The following DST variants were observed in gnomAD, a reference collection of about 807,000 sequenced individuals.
DST encodes bullous pemphigoid antigen.
A neutral mutation model predicts 875.2 loss-of-function variants in DST; 253 were observed. The ratio of observed to expected loss-of-function variants is 0.29; its 90% CI spans 0.26 to 0.32. The LOEUF is 0.32. DST is among the 10% of genes least tolerant of loss of function. The pLI is 1.00. For missense variants in DST, 8,287 were observed against 9,111.6 expected, an observed-to-expected ratio of 0.91 and a Z score of 3.68; for synonymous variants, 3,124 against 3,197.1, an observed-to-expected ratio of 0.98 and a Z score of 0.77.
chr6:56,603,208 T>G lies in DST; in HGVS notation c.11154A>C (p.Glu3718Asp). Residue 3718 changes from glutamate to aspartate, a missense_variant, in exon 42 of 104, where the codon GAA becomes GAC. Coordinates refer to ENST00000680361, the MANE Select transcript of DST (RefSeq NM_001374736.1). ...TKQIMLAIDS[E>D]MSKLAVSHEE... ...AATTTTGACATTTTATGCCTACCAT[T>G]TCAGAGTCGATCGCAAGCATGATCT... 6.3e-7 allele frequency: 1 copy of G among 1,597,212 alleles called. No individual in the cohort carries two copies. The highest frequency in any genetic ancestry group is 1.1e-5 in the South Asian group (1 of 88,994).
intron 3 of DST, among the ~76,000 whole-genome samples, chr6:56,868,099 C>T (rs1562233231): frequency 6.6e-6 from 1 of 152,086 alleles, no homozygotes; most frequent in African/African-American, 2.4e-5. Context: ...CAATTTTAAA[C>T]ATGGGGGGTG....
At chr6:56,897,995 A>G (rs912711947) in intron 3 of DST, among the ~76,000 whole-genome samples, 1 of 152,108 alleles carries the variant, frequency 6.6e-6, no homozygotes, top group Admixed American at 6.5e-5. Flanking sequence ...AGTAGGCTCC[A>G]CCTATAGGCT....
chr6:56,572,245 C>T lies in DST; in HGVS notation c.13576G>A (p.Glu4526Lys), dbSNP rs762051198. The T allele has an allele frequency of 1.3e-6, 2 of 1,564,038 alleles. No homozygotes were observed. Among genetic ancestry groups the T allele is most frequent in the South Asian group, 1.2e-5 (1 of 81,514 alleles). The change falls in exon 53 of 104, where the codon GAA becomes AAA. Residue 4526 changes from glutamate to lysine, a missense_variant. By Grantham distance (56) the Glu-to-Lys change is moderately conservative. Around this residue, in one of 10 missense-constraint regions of DST, gnomAD observed 1,513 missense variants for 1,677.8 expected, o/e 0.90. Coordinates refer to ENST00000680361, the MANE Select transcript of DST (RefSeq NM_001374736.1). The stretch of plus-strand genomic sequence containing the variant: ...AAAACTTCAAGATGTTTCTTGTGTT[C>T]TAAAAATTCAGAAGTTGATTCCTAC... ...YMQESTSEFL[E>K]HKKHLEVLHS...
intron 64 of DST, 78 bp from the exon 65 acceptor site, chr6:56,530,211 C>A: frequency 8.8e-7 from 1 of 1,140,772 alleles, no homozygotes; most frequent in Non-Finnish European, 1.2e-6. Flanking sequence ...CATGCTCTTG[C>A]AATCTATTCT....
chr6:56,858,655 G>A (rs565404342), intron 3 of DST, among the ~76,000 whole-genome samples: 1 of 152,262 alleles, frequency 6.6e-6, no homozygotes, highest in African/African-American at 2.4e-5. Flanking sequence ...CTATGGGAGT[G>A]CAGATACCTC....
At chr6:56,648,366 T>C (rs1211754986) in intron 13 of DST, among the ~76,000 whole-genome samples, 1 of 152,212 alleles carries the variant, frequency 6.6e-6, no homozygotes, top group East Asian at 1.9e-4. Flanking sequence ...GCTGAGTGAC[T>C]ACAGCTAATC....
At chr6:56,616,194 T>C (rs781187773) in intron 36 of DST, 5 of 1,614,124 alleles carry the variant, frequency 3.1e-6, no homozygotes, top group South Asian at 1.1e-5. Flanking sequence ...GTAAGTGTGA[T>C]GAGGCCTTCC....
rs914935763 is a variant in DST at position 56,954,356 on chromosome 6, C to T, written c.181+51G>A. ...GCGAGCCGCGCTTCACTCTCCAAAT[C>T]GGCTTAATTGTTCCTGGTAGCCCGC... On this transcript the variant is annotated intron_variant, in intron 1 of 103. Coordinates refer to ENST00000680361, the MANE Select transcript of DST (RefSeq NM_001374736.1). 5.4e-6 allele frequency: 7 copies of T among 1,301,424 alleles called. No homozygotes were observed. In the African/African-American group the frequency reaches 9.0e-5, roughly 17 times the overall value. The allele number at this position is 1,301,424 out of a possible 1,614,324, so 80.6% of individuals were successfully genotyped here.
intron 4 of DST, among the ~76,000 whole-genome samples, chr6:56,738,709 C>T (rs1037782070): frequency 6.6e-6 from 1 of 151,976 alleles, no homozygotes; most frequent in Non-Finnish European, 1.5e-5. Flanking sequence ...GCAACCTCCA[C>T]GTCCCTGGAC....
intron 10 of DST, among the ~76,000 whole-genome samples, chr6:56,655,753 T>C (rs958967696): frequency 4.6e-5 from 7 of 152,210 alleles, no homozygotes; most frequent in African/African-American, 1.7e-4. Flanking sequence ...TACATGACAT[T>C]ACCTGGCCAA....
chr6:56,953,026 T>C (rs764849791), intron 2 of DST, among the ~76,000 whole-genome samples: 3 of 152,246 alleles, frequency 2.0e-5, no homozygotes, highest in Non-Finnish European at 4.4e-5. Context: ...GGCGTTTAAC[T>C]ATGAAGTCTT....
intron 69 of DST, among the ~76,000 whole-genome samples, chr6:56,518,942 C>T (rs996087647): frequency 6.6e-6 from 1 of 152,174 alleles, no homozygotes; most frequent in African/African-American, 2.4e-5. Flanking sequence ...AACTCTGCAA[C>T]ACTATGCCAA....
rs1051851080 is a variant in DST at position 56,648,747 on chromosome 6, A to G, written c.1435-58T>C. On this transcript the variant is annotated intron_variant, in intron 12 of 103. Transcript: ENST00000680361. ...TCTGTAGATAATAACATTCATATCT[A>G]AGACAATTTAGTCAGAAGTCATTCT... The G allele has an allele frequency of 6.4e-6, 9 of 1,395,506 alleles. No individual in the cohort carries two copies. In the African/African-American group the frequency reaches 1.2e-4, roughly 18 times the overall value. 86.4% of individuals were successfully genotyped at this position (1,395,506 alleles called of 1,614,324 possible).
At chr6:56,836,894 A>C (rs1290036207) in intron 4 of DST, among the ~76,000 whole-genome samples, 2 of 151,614 alleles carry the variant, frequency 1.3e-5, no homozygotes, top group Admixed American at 1.3e-4. Flanking sequence ...ACAAAGAAAA[A>C]ATTAAGATTT....
chr6:56,851,328 C>T, intron 4 of DST, 69 bp downstream of exon 4: 1 of 1,442,678 alleles, frequency 6.9e-7, no homozygotes, highest in Non-Finnish European at 9.5e-7. Context: ...TATGGCCCCC[C>T]AGGAGGTAGA....
At chr6:56,679,151 C>T (rs141657228) in intron 9 of DST, among the ~76,000 whole-genome samples, 51 of 152,228 alleles carry the variant, frequency 3.4e-4, no homozygotes, top group African/African-American at 1.2e-3. Context: ...TCTTTACATC[C>T]TTCTCTGTTT....
intron 92 of DST, among the ~76,000 whole-genome samples, chr6:56,474,842 C>T (rs1475038463): frequency 1.3e-5 from 2 of 151,550 alleles, no homozygotes; most frequent in Non-Finnish European, 2.9e-5. Flanking sequence ...GCCTGTAGTC[C>T]CAGCTACACA....
chr6:56,619,356 C>T (rs1242586422), intron 36 of DST: 1 of 1,613,534 alleles, frequency 6.2e-7, no homozygotes, highest in East Asian at 2.2e-5. Context: ...TCCAATTCTT[C>T]ATTGAGCCTT....
At chr6:56,762,842 A>G (rs902144129) in intron 4 of DST, among the ~76,000 whole-genome samples, 1 of 113,020 alleles carries the variant, frequency 8.8e-6, no homozygotes, top group South Asian at 2.8e-4. Flanking sequence ...CGAGAACACC[A>G]CCTTTTTTTT....
Sources: gnomAD v4.1 joint callset for allele counts (sites outside exome capture counted in the v4.1 genomes callset) on GRCh38, gnomAD v4.1.1 for gene constraint, gnomAD v4.1.1 regional missense constraint, MANE v1.5 for transcripts, NCBI Gene and HGNC (gene_info 2026-07-23, HGNC 2026-07-21) for gene names.